Variants in CTNNA3 observed in about 807,000 individuals in gnomAD.
The protein encoded by CTNNA3 is catenin alpha 3.
Under a neutral mutation model 95.7 loss-of-function variants are expected in CTNNA3, and 76 were observed. That is an observed-to-expected ratio of 0.79 (90% CI 0.66 to 0.96). The LOEUF (loss-of-function observed/expected upper bound fraction) is 0.96, where lower values mean the gene tolerates loss of function less well. CTNNA3 is among the 40% of genes least tolerant of loss of function. CTNNA3 has a pLI of 0.00. For synonymous variants in CTNNA3, 431 were observed against 374.4 expected (o/e 1.15, Z -1.74); for missense variants, 1,191 against 1,089.8 (o/e 1.09, Z -1.31).
At chr10:66,433,889 T>A (rs1224305168) in intron 11 of CTNNA3, among the ~76,000 whole-genome samples, 1 of 152,240 alleles carries the variant, frequency 6.6e-6, no homozygotes, top group Non-Finnish European at 1.5e-5. Flanking sequence ...ACAGCTTTTA[T>A]TAAATAGGGA....
intron 5 of CTNNA3, among the ~76,000 whole-genome samples, chr10:67,291,286 T>C (rs1839829177): frequency 6.6e-6 from 1 of 151,998 alleles, no homozygotes. Flanking sequence ...ACCCCACTAA[T>C]AGTGACACAG....
intron 13 of CTNNA3, among the ~76,000 whole-genome samples, chr10:66,244,352 C>T (rs1445902242): frequency 6.6e-6 from 1 of 152,200 alleles, no homozygotes; most frequent in African/African-American, 2.4e-5. Flanking sequence ...ATAAACATGG[C>T]TGCCTTTGCC....
At chr10:66,608,119 G>A (rs544794548) in intron 10 of CTNNA3, among the ~76,000 whole-genome samples, 16 of 152,194 alleles carry the variant, frequency 1.1e-4, no homozygotes, top group Middle Eastern at 3.4e-3. Flanking sequence ...CAAAATTAAT[G>A]TACACAAATC....
At chr10:67,058,703 T>C (rs545333158) in intron 7 of CTNNA3, among the ~76,000 whole-genome samples, 1 of 152,214 alleles carries the variant, frequency 6.6e-6, no homozygotes, top group South Asian at 2.1e-4. Flanking sequence ...AGTATACAAG[T>C]AGTGCAAGCT....
At chr10:67,610,124 T>C (rs1843411058) in intron 2 of CTNNA3, among the ~76,000 whole-genome samples, 2 of 152,244 alleles carry the variant, frequency 1.3e-5, no homozygotes, top group East Asian at 1.9e-4. Flanking sequence ...CCTCGGAATG[T>C]ATTTTAAGTG....
At chr10:65,967,380 A>T (rs1426380897) in intron 16 of CTNNA3, among the ~76,000 whole-genome samples, 1 of 152,180 alleles carries the variant, frequency 6.6e-6, no homozygotes, top group East Asian at 1.9e-4. Flanking sequence ...TTAAAATGTA[A>T]TTATTTCTTT....
chr10:67,607,101 C>T (rs527357387), intron 2 of CTNNA3, 52 bp from the exon 3 acceptor site: 112 of 1,399,780 alleles, frequency 8.0e-5, no homozygotes, highest in Non-Finnish European at 1.1e-4. Context: ...AAGGAGAACA[C>T]AGTCCTGGGA....
At chr10:66,078,611 T>A (rs1451639664) in intron 14 of CTNNA3, among the ~76,000 whole-genome samples, 2 of 151,948 alleles carry the variant, frequency 1.3e-5, no homozygotes, top group Non-Finnish European at 2.9e-5. Context: ...AAATGCCCAT[T>A]ACAAAAATAA....
chr10:67,571,069 A>G (rs1026842616), intron 3 of CTNNA3, among the ~76,000 whole-genome samples: 3 of 152,186 alleles, frequency 2.0e-5, no homozygotes, highest in Admixed American at 6.5e-5. Context: ...TCTGGCATTA[A>G]TATGTGGAAG....
At chr10:66,162,128 C>T (rs2084884443) in intron 13 of CTNNA3, among the ~76,000 whole-genome samples, 1 of 151,548 alleles carries the variant, frequency 6.6e-6, no homozygotes, top group Non-Finnish European at 1.5e-5. Context: ...TTTGGATATC[C>T]TTGCATTGGG....
At chr10:66,106,245 A>AG (rs1032177560) in intron 13 of CTNNA3, among the ~76,000 whole-genome samples, 1 of 150,408 alleles carries the variant, frequency 6.6e-6, no homozygotes, top group African/African-American at 2.4e-5. Context: ...GTGGGAAAGG[A>AG]GGGATGATAG....
intron 5 of CTNNA3, among the ~76,000 whole-genome samples, chr10:67,240,208 T>A (rs554324067): frequency 1.1e-4 from 16 of 152,330 alleles, no homozygotes; most frequent in African/African-American, 3.8e-4. Flanking sequence ...GATTAAGATG[T>A]GCAGCAGAAA....
chr10:67,501,825 T>C (rs574782249), intron 5 of CTNNA3, among the ~76,000 whole-genome samples: 2 of 152,286 alleles, frequency 1.3e-5, no homozygotes, highest in South Asian at 4.1e-4. Flanking sequence ...AGGTCATTTA[T>C]GTTCTCCTCT....
chr10:66,283,550 C>T (rs750927399), intron 12 of CTNNA3, among the ~76,000 whole-genome samples: 1 of 151,782 alleles, frequency 6.6e-6, no homozygotes. Context: ...ACAACACAGC[C>T]TTTTCATTAG....
intron 13 of CTNNA3, among the ~76,000 whole-genome samples, chr10:66,150,273 C>T (rs899832914): frequency 1.3e-5 from 2 of 152,152 alleles, no homozygotes; most frequent in Admixed American, 6.6e-5. Flanking sequence ...TTGCCTGGCA[C>T]CATCCATGTA....
At chr10:66,153,460 G>T (rs1435604083) in intron 13 of CTNNA3, among the ~76,000 whole-genome samples, 3 of 151,900 alleles carry the variant, frequency 2.0e-5, no homozygotes, top group Non-Finnish European at 2.9e-5. Flanking sequence ...TACTTTGTGT[G>T]CCTATGGAGG....
At position 67,692,745 on chromosome 10, in the gene CTNNA3, A is replaced by T. The variant is rs995452497; in HGVS notation, c.-6+3255T>A. On this transcript the variant is annotated intron_variant, in intron 1 of 17. Coordinates refer to ENST00000433211, the MANE Select transcript of CTNNA3 (RefSeq NM_013266.4). ...ACCCAAGAATGATCAATAAAAAAAA[A>T]AAAAAAAAAAAAAGTCTTGCTACAA... 1.6e-4 allele frequency among the ~76,000 whole-genome samples: 23 copies of T among 142,224 alleles called. No individual in the cohort carries two copies. The East Asian group carries it at 0.013, about 77-fold the overall frequency. 93.3% of individuals were successfully genotyped at this position (142,224 alleles called of 152,430 possible). A position where few individuals can be genotyped will look rare whatever the true frequency, so the allele number is the denominator to read the frequency against.
In CTNNA3 at chr10:66,805,484, CAT is replaced by C. The variant is rs539501784; in HGVS notation, c.1048-29962_1048-29961del. ...TGTCTCTAGATTCCATATATATACA[CAT>C]ATATATACATATATATTTATACATA... On this transcript the variant is annotated intron_variant, in intron 7 of 17. Coordinates refer to ENST00000433211, the MANE Select transcript of CTNNA3 (RefSeq NM_013266.4). Among the ~76,000 whole-genome samples, 348 of 148,694 alleles carry C rather than the reference CAT, an allele frequency of 2.3e-3. 1 individual carries two copies. The highest frequency in any genetic ancestry group is 3.9e-3 in the Non-Finnish European group (263 of 67,354).
At chr10:67,090,165 T>C (rs1857545800) in intron 7 of CTNNA3, among the ~76,000 whole-genome samples, 1 of 152,088 alleles carries the variant, frequency 6.6e-6, no homozygotes, top group Admixed American at 6.6e-5. Context: ...AGGAGTATAC[T>C]TAAGGTTCCT....
Sources: gnomAD v4.1 joint callset for allele counts (sites outside exome capture counted in the v4.1 genomes callset) on GRCh38, gnomAD v4.1.1 for gene constraint, MANE v1.5 for transcripts, NCBI Gene and HGNC (gene_info 2026-07-23, HGNC 2026-07-21) for gene names.